DPP10: variants seen among roughly 807,000 people sequenced by gnomAD.
DPP10 encodes dipeptidyl peptidase like 10.
DPP10 carries 33 observed loss-of-function variants against 120.9 expected under a neutral mutation model. The ratio of observed to expected loss-of-function variants is 0.27; its 90% confidence interval spans 0.21 to 0.37. The LOEUF (loss-of-function observed/expected upper bound fraction) is 0.37, where lower values mean the gene tolerates loss of function less well. Among genes scored for constraint, DPP10 ranks in the 10% least tolerant of loss-of-function variants. The probability of loss-of-function intolerance (pLI) is 1.00; values close to 1 mark genes in which losing one functional copy is unlikely to be tolerated. For missense variants in DPP10, 816 were observed against 942.8 expected (o/e 0.87, Z 1.76); for synonymous variants, 337 against 326.1 (o/e 1.03, Z -0.36).
intron 1 of DPP10, among the ~76,000 whole-genome samples, chr2:114,852,302 T>C (rs1286527918): frequency 6.6e-6 from 1 of 151,978 alleles, no homozygotes; most frequent in Non-Finnish European, 1.5e-5. Context: ...CTGCTCCTGA[T>C]TGGCTCACTT....
At chr2:114,798,604 A>T (rs531947578) in intron 1 of DPP10, among the ~76,000 whole-genome samples, 1 of 152,140 alleles carries the variant, frequency 6.6e-6, no homozygotes, top group Non-Finnish European at 1.5e-5. Context: ...AAGCAGAGCT[A>T]AAGTGCAGTG....
intron 1 of DPP10, among the ~76,000 whole-genome samples, chr2:115,069,570 C>T (rs965426759): frequency 6.6e-6 from 1 of 152,058 alleles, no homozygotes; most frequent in East Asian, 1.9e-4. Flanking sequence ...CAGTTTTACC[C>T]TCAGTAATCT....
At chr2:114,477,824 T>C (rs530967305) in intron 1 of DPP10, among the ~76,000 whole-genome samples, 2 of 150,948 alleles carry the variant, frequency 1.3e-5, no homozygotes, top group South Asian at 2.1e-4. Context: ...TGTGTGTATA[T>C]ATGTATGTAC....
At chr2:115,557,803 G>C (rs2080309794) in intron 5 of DPP10, among the ~76,000 whole-genome samples, 1 of 152,130 alleles carries the variant, frequency 6.6e-6, no homozygotes, top group African/African-American at 2.4e-5. Flanking sequence ...GAAATGCAGA[G>C]GCTCCTACCT....
At chr2:115,719,258 A>G (rs1307183777) in intron 7 of DPP10, among the ~76,000 whole-genome samples, 2 of 152,216 alleles carry the variant, frequency 1.3e-5, no homozygotes, top group Non-Finnish European at 1.5e-5. Context: ...ATAATTATGA[A>G]TTTAAGACAA....
intron 1 of DPP10, among the ~76,000 whole-genome samples, chr2:114,491,110 A>G (rs892095958): frequency 6.6e-6 from 1 of 152,190 alleles, no homozygotes; most frequent in Non-Finnish European, 1.5e-5. Flanking sequence ...AATTTGCCTT[A>G]TCAAGGAAAC....
chr2:114,995,348 C>A (rs899030884), intron 1 of DPP10, among the ~76,000 whole-genome samples: 1 of 152,150 alleles, frequency 6.6e-6, no homozygotes, highest in Non-Finnish European at 1.5e-5. Context: ...TCTCTTTCCC[C>A]CATTCCTAGA....
chr2:114,748,910 T>C (rs186177550), intron 1 of DPP10, among the ~76,000 whole-genome samples: 417 of 118,460 alleles, frequency 3.5e-3, no homozygotes, highest in Middle Eastern at 8.6e-3. Flanking sequence ...GTCATTTGGG[T>C]ATATACCCAG....
At chr2:115,063,248 C>T (rs776427002) in intron 1 of DPP10, among the ~76,000 whole-genome samples, 6 of 151,912 alleles carry the variant, frequency 3.9e-5, no homozygotes, top group Non-Finnish European at 8.8e-5. Context: ...GTTTTTTCCT[C>T]GTAAATTTGT....
At chr2:114,964,610 A>T (rs754154340) in intron 1 of DPP10, among the ~76,000 whole-genome samples, 22 of 152,110 alleles carry the variant, frequency 1.4e-4, no homozygotes, top group Non-Finnish European at 3.1e-4. Context: ...CGCAAAGGCC[A>T]TGAGGTGGAA....
At chr2:115,515,349 C>G (rs373789882) in intron 4 of DPP10, among the ~76,000 whole-genome samples, 20 of 152,042 alleles carry the variant, frequency 1.3e-4, no homozygotes, top group East Asian at 5.8e-4. Flanking sequence ...TTAGTCCACT[C>G]TTCCTGTTGT....
Position 114,442,702 on chromosome 2 carries a change from G to A in DPP10, c.-77G>A. Reference sequence around the variant, plus strand: ...AGCAACAGCAGCAGCCCCTACTGAAGTCCAATAGAGGAGACTTGATCTCTA... The same window carrying A: ...AGCAACAGCAGCAGCCCCTACTGAAATCCAATAGAGGAGACTTGATCTCTA... On this transcript the variant is annotated 5_prime_UTR_variant, in exon 1 of 26. Transcript: ENST00000410059. 1 of 1,557,604 alleles carries A rather than the reference G, an allele frequency of 6.4e-7. No individual in the cohort carries two copies. Among genetic ancestry groups the A allele is most frequent in the Non-Finnish European group, 8.8e-7 (1 of 1,135,068 alleles).
intron 1 of DPP10, among the ~76,000 whole-genome samples, chr2:115,247,280 A>G (rs771581530): frequency 1.3e-5 from 2 of 152,062 alleles, no homozygotes; most frequent in African/African-American, 2.4e-5. Flanking sequence ...ATTGAGCTAC[A>G]ATTTTGTTTT....
intron 1 of DPP10, among the ~76,000 whole-genome samples, chr2:115,219,562 A>G (rs1423126776): frequency 1.3e-5 from 2 of 152,180 alleles, no homozygotes; most frequent in East Asian, 3.8e-4. Context: ...TTATAACAAT[A>G]AAAGGTGCTG....
chr2:114,841,323 G>T (rs922155640), intron 1 of DPP10, among the ~76,000 whole-genome samples: 8 of 152,008 alleles, frequency 5.3e-5, no homozygotes, highest in Non-Finnish European at 1.0e-4. Flanking sequence ...GACTGCATAG[G>T]GCTGGCAGCC....
chr2:114,599,693 C>T (rs777668740), intron 1 of DPP10, among the ~76,000 whole-genome samples: 10 of 151,718 alleles, frequency 6.6e-5, no homozygotes, highest in Admixed American at 2.6e-4. Context: ...TTTCTGTGAA[C>T]GTACACCTTG....
At chr2:114,451,872 G>A (rs1415713430) in intron 1 of DPP10, among the ~76,000 whole-genome samples, 1 of 152,050 alleles carries the variant, frequency 6.6e-6, no homozygotes, top group Admixed American at 6.6e-5. Context: ...CTGTCTTTCA[G>A]GATAATCCAA....
intron 1 of DPP10, among the ~76,000 whole-genome samples, chr2:114,802,398 C>T (rs988698685): frequency 2.0e-5 from 3 of 152,062 alleles, no homozygotes; most frequent in Non-Finnish European, 2.9e-5. Context: ...TCTGGTAGAT[C>T]GGAGATGTAT....
chr2:114,582,725 A>G (rs754612885), intron 1 of DPP10, among the ~76,000 whole-genome samples: 2 of 152,194 alleles, frequency 1.3e-5, no homozygotes, highest in Non-Finnish European at 2.9e-5. Flanking sequence ...CTTATTTGCC[A>G]TCTGGATGTC....
Sources: allele counts gnomAD v4.1 joint callset (sites outside exome capture counted in the v4.1 genomes callset), GRCh38; gene constraint gnomAD v4.1.1; transcripts MANE v1.5; gene names NCBI Gene and HGNC (gene_info 2026-07-23, HGNC 2026-07-21).